NFIA: variants seen among roughly 807,000 people sequenced by gnomAD.
The protein encoded by NFIA is nuclear factor 1 A-type.
In NFIA, 8 loss-of-function variants were observed where a neutral mutation model predicts 62.8. The ratio of observed to expected loss-of-function variants is 0.13; its 90% CI spans 0.07 to 0.23. The LOEUF (loss-of-function observed/expected upper bound fraction) is 0.23. Among genes scored for constraint, NFIA ranks in the 10% least tolerant of loss-of-function variants. The probability of loss-of-function intolerance (pLI) is 1.00; values close to 1 mark genes in which losing one functional copy is unlikely to be tolerated. For synonymous variants in NFIA, 235 were observed against 238.1 expected (o/e 0.99, Z 0.12); for missense variants, 410 against 642.1 (o/e 0.64, Z 3.91).
At chr1:61,438,922 C>T (rs1667452460) in intron 10 of NFIA, among the ~76,000 whole-genome samples, 1 of 151,238 alleles carries the variant, frequency 6.6e-6, no homozygotes, top group Non-Finnish European at 1.5e-5. Flanking sequence ...ATAAGTGGTG[C>T]ATATGGTATT....
chr1:61,430,065 A>T (rs1042151112), intron 10 of NFIA, among the ~76,000 whole-genome samples: 1 of 152,234 alleles, frequency 6.6e-6, no homozygotes, highest in African/African-American at 2.4e-5. Flanking sequence ...AATGGTTAAG[A>T]TGGTAAATGT....
At chr1:61,189,180 G>T (rs1238096524) in intron 2 of NFIA, among the ~76,000 whole-genome samples, 5 of 152,182 alleles carry the variant, frequency 3.3e-5, no homozygotes, top group Non-Finnish European at 5.9e-5. Flanking sequence ...GTCGTGGGCT[G>T]GCAAGGTATG....
chr1:61,393,457 C>A (rs542072086), intron 7 of NFIA, among the ~76,000 whole-genome samples: 8 of 150,708 alleles, frequency 5.3e-5, no homozygotes, highest in Non-Finnish European at 8.8e-5. Flanking sequence ...ATTTAATAAT[C>A]CCAAGAGAAA....
At chr1:61,381,677 A>G (rs1035741070) in intron 6 of NFIA, among the ~76,000 whole-genome samples, 6 of 152,192 alleles carry the variant, frequency 3.9e-5, no homozygotes, top group African/African-American at 7.2e-5. Flanking sequence ...TCATGAAGCT[A>G]CAGATAAAGC....
At chr1:61,078,798 G>A (rs1156451484), upstream of NFIA, among the ~76,000 whole-genome samples, 1 of 152,200 alleles carries the variant, frequency 6.6e-6, no homozygotes, top group Non-Finnish European at 1.5e-5. Context: ...CAACCCCCGT[G>A]GAGAGTGTAT....
intron 2 of NFIA, among the ~76,000 whole-genome samples, chr1:61,253,249 T>C (rs1435765408): frequency 6.6e-6 from 1 of 152,182 alleles, no homozygotes; most frequent in Admixed American, 6.5e-5. Context: ...GAGAAGTCTG[T>C]CAGTGGGTCA....
At chr1:61,105,019 T>C (rs1397600145) in intron 2 of NFIA, among the ~76,000 whole-genome samples, 2 of 152,070 alleles carry the variant, frequency 1.3e-5, no homozygotes, top group East Asian at 3.9e-4. Context: ...AGTGTACCAG[T>C]GCAAACTCTA....
At chr1:61,341,586 T>C (rs1010090298) in intron 4 of NFIA, among the ~76,000 whole-genome samples, 1 of 152,056 alleles carries the variant, frequency 6.6e-6, no homozygotes, top group African/African-American at 2.4e-5. Flanking sequence ...CCAGGGATCC[T>C]CCCACCTCAG....
chr1:61,308,163 G>T (rs1659903157), intron 3 of NFIA, among the ~76,000 whole-genome samples: 1 of 152,230 alleles, frequency 6.6e-6, no homozygotes, highest in African/African-American at 2.4e-5. Context: ...GAAAAATGCA[G>T]TAGCAGCCAG....
chr1:61,341,692 C>T (rs951691511), intron 4 of NFIA, among the ~76,000 whole-genome samples: 12 of 152,138 alleles, frequency 7.9e-5, no homozygotes, highest in Non-Finnish European at 1.5e-4. Context: ...TGCCCAGGCT[C>T]GTCTCGAACT....
chr1:61,445,660 C>A (rs1379961553), intron 10 of NFIA, among the ~76,000 whole-genome samples: 1 of 152,068 alleles, frequency 6.6e-6, no homozygotes, highest in Non-Finnish European at 1.5e-5. Context: ...GAGCTATGAC[C>A]GCGCACAGGG....
intron 2 of NFIA, among the ~76,000 whole-genome samples, chr1:61,217,062 CTTTTTTT>C (rs36086183): frequency 7.4e-6 from 1 of 135,236 alleles, no homozygotes; most frequent in African/African-American, 2.7e-5. Flanking sequence ...TTTCTTTTTT[CTTTTTTT>C]TTTTTGAGAT....
intron 6 of NFIA, among the ~76,000 whole-genome samples, chr1:61,367,733 C>T (rs1366407416): frequency 6.6e-6 from 1 of 152,168 alleles, no homozygotes; most frequent in African/African-American, 2.4e-5. Context: ...GGGCCTAAAA[C>T]AGCTCCTTGT....
Position 61,406,671 on chromosome 1 carries a change from A to G in NFIA, c.1364A>G (p.Asp455Gly). Residue 455 changes from aspartate to glycine, a missense_variant, in exon 9 of 11, where the codon GAC becomes GGC. Asp to Gly is a moderately conservative substitution (Grantham distance 94). This residue lies in a region of NFIA where 298 missense variants were observed against 438.1 expected (regional missense o/e 0.68). Coordinates refer to ENST00000403491, the MANE Select transcript of NFIA (RefSeq NM_001134673.4). ...MARPVPLPVP[D>G]TKPPTTSTEG... ...AGGCCTGTGCCTCTGCCGGTGCCAGACACAAAGCCTCCAACCACGTCAACA... is the reference window on the plus strand; with the variant it reads ...AGGCCTGTGCCTCTGCCGGTGCCAGGCACAAAGCCTCCAACCACGTCAACA... The G allele has an allele frequency of 1.9e-6, 3 of 1,612,778 alleles. No individual in the cohort carries two copies. Among genetic ancestry groups the G allele is most frequent in the Non-Finnish European group, 2.5e-6 (3 of 1,179,564 alleles).
rs998112386 is a variant in NFIA at position 61,219,109 on chromosome 1, A to G, written c.560-58411A>G. On this transcript the variant is annotated intron_variant, in intron 2 of 10. Transcript: ENST00000403491. ...TAGCTGGGTGTAGTGGCGGGCACCTATAATCCCAGTTACTCGAGAGGCTGA... is the reference window on the plus strand; with the variant it reads ...TAGCTGGGTGTAGTGGCGGGCACCTGTAATCCCAGTTACTCGAGAGGCTGA... Among the ~76,000 whole-genome samples, 227 of 151,750 alleles carry G rather than the reference A, an allele frequency of 1.5e-3. 3 individuals are homozygous for G. The highest frequency in any genetic ancestry group is 1.3e-3 in the Non-Finnish European group (90 of 67,862).
At chr1:61,241,689 GA>G (rs1324843068) in intron 2 of NFIA, among the ~76,000 whole-genome samples, 5 of 151,542 alleles carry the variant, frequency 3.3e-5, no homozygotes, top group African/African-American at 4.9e-5. Flanking sequence ...AAAAAGGAAG[GA>G]AAAAAACCAC....
intron 4 of NFIA, among the ~76,000 whole-genome samples, chr1:61,337,322 A>ATT (rs11395065): frequency 2.8e-4 from 42 of 151,162 alleles, no homozygotes; most frequent in East Asian, 5.8e-4. Flanking sequence ...CCACCTTTTA[A>ATT]TTTTTTTTTT....
chr1:61,294,475 G>T (rs955990744), intron 3 of NFIA, among the ~76,000 whole-genome samples: 2 of 152,148 alleles, frequency 1.3e-5, no homozygotes, highest in Non-Finnish European at 1.5e-5. Context: ...TACTTGAAAG[G>T]CGATTGAAAT....
chr1:61,335,144 C>T (rs930255472), intron 4 of NFIA, among the ~76,000 whole-genome samples: 5 of 152,314 alleles, frequency 3.3e-5, no homozygotes, highest in East Asian at 3.9e-4. Flanking sequence ...GCTGTGTAAT[C>T]GCTCTGGGAC....
Sources: gnomAD v4.1 joint callset for allele counts (sites outside exome capture counted in the v4.1 genomes callset) on GRCh38, gnomAD v4.1.1 for gene constraint, gnomAD v4.1.1 regional missense constraint, MANE v1.5 for transcripts, NCBI Gene and HGNC (gene_info 2026-07-23, HGNC 2026-07-21) for gene names.